Variants in LRP5 observed in about 807,000 individuals in gnomAD.
LRP5 encodes the protein low-density lipoprotein receptor-related protein 5.
LRP5 carries 62 observed loss-of-function variants against 154.1 expected under a neutral mutation model. That is an observed-to-expected ratio of 0.40 (90% CI 0.33 to 0.50). The LOEUF is 0.50. LRP5 is among the 20% of genes least tolerant of loss of function. LRP5 has a pLI of 0.55. For synonymous variants in LRP5, 966 were observed against 1,011.5 expected, an observed-to-expected ratio of 0.96 and a Z score of 0.85; for missense variants, 1,915 against 2,336.7, an observed-to-expected ratio of 0.82 and a Z score of 3.72.
At chr11:68,388,916 A>G (rs1402345749) in intron 6 of LRP5, among the ~76,000 whole-genome samples, 1 of 152,170 alleles carries the variant, frequency 6.6e-6, no homozygotes, top group African/African-American at 2.4e-5. Context: ...ACTTACTGAC[A>G]CCAGCATCTA....
intron 8 of LRP5, chr11:68,404,105 C>T (rs1376218836): frequency 2.3e-6 from 1 of 429,496 alleles, no homozygotes; most frequent in Admixed American, 3.4e-5. Flanking sequence ...CTGGGCTGGG[C>T]TGTGCTTGTT....
chr11:68,378,500 C>T (rs1273470817), intron 5 of LRP5, among the ~76,000 whole-genome samples: 1 of 70,846 alleles, frequency 1.4e-5, no homozygotes, highest in Non-Finnish European at 2.8e-5. Context: ...GAAGAGGACC[C>T]TGTCCCCGGC....
At chr11:68,354,524 C>T (rs2098621477) in intron 2 of LRP5, among the ~76,000 whole-genome samples, 1 of 152,238 alleles carries the variant, frequency 6.6e-6, no homozygotes. Flanking sequence ...AGGGTCTGGG[C>T]TCTGTCCAGG....
At position 68,386,235 on chromosome 11, in the gene LRP5, C is replaced by T; in HGVS notation, c.1016-81C>T. The stretch of plus-strand genomic sequence containing the variant: ...CCCTGGGGGCCTGGCTGAGTATTTC[C>T]CTTGCCCGGCCCACCCCAGGCCTAG... On this transcript the variant is annotated intron_variant, in intron 5 of 22. Transcript: ENST00000294304. This position sits in a 1 kb window ranked among gnomAD's most constrained non-coding sequence, Gnocchi z 7.9. 1.9e-6 allele frequency: 3 copies of T among 1,571,158 alleles called. No homozygotes were observed. The highest frequency in any genetic ancestry group is 2.6e-6 in the Non-Finnish European group (3 of 1,154,504).
chr11:68,357,823 G>C lies in LRP5; in HGVS notation c.662G>C (p.Arg221Pro). Residue 221 changes from arginine (R) to proline (P), a missense_variant, in exon 3 of 23, where the codon CGT becomes CCT. Coordinates refer to ENST00000294304, the MANE Select transcript of LRP5 (RefSeq NM_002335.4). The part of the protein sequence containing the change: ...WADAKLSFIH[R>P]ANLDGSFRQK... ...GACGCCAAGCTCAGCTTCATCCACC[G>C]TGCCAACCTGGACGGCTCGTTCCGG... The C allele has an allele frequency of 1.9e-6, 3 of 1,613,290 alleles. No homozygotes were observed. The highest frequency in any genetic ancestry group is 2.5e-6 in the Non-Finnish European group (3 of 1,179,678).
chr11:68,373,313 C>T (rs137892316), intron 5 of LRP5, among the ~76,000 whole-genome samples: 2,516 of 152,202 alleles, frequency 0.017, 230 homozygotes, highest in Admixed American at 0.15. Context: ...GTGGTCACAC[C>T]GGGACCCCAA....
At chr11:68,311,270 T>C (rs1373706473), upstream of LRP5, among the ~76,000 whole-genome samples, 1 of 152,208 alleles carries the variant, frequency 6.6e-6, no homozygotes, top group African/African-American at 2.4e-5. Flanking sequence ...GTCTGACATG[T>C]GCTGGCCCTG....
chr11:68,319,875 A>G (rs1285258127), intron 1 of LRP5, among the ~76,000 whole-genome samples: 3 of 152,108 alleles, frequency 2.0e-5, no homozygotes, highest in South Asian at 4.1e-4. Context: ...AAAGATATTG[A>G]GGCCGGGCAC....
Position 68,433,848 on chromosome 11 carries a change from TC to T in LRP5, c.4000+14del, listed in dbSNP as rs754512136. On this transcript the variant is annotated intron_variant, in intron 18 of 22. Transcript: ENST00000294304. ...GAGGCGGACTGTGACGGTGAGGCCC[TC>T]CCCGTCAAGGCTCTGCCAAGACCCT... 3.1e-6 allele frequency: 5 copies of T among 1,609,372 alleles called. No homozygotes were observed. In the Admixed American group the frequency reaches 6.7e-5, roughly 22 times the overall value.
At chr11:68,301,352 T>C in the LRP5 span, among the ~76,000 whole-genome samples, 4 of 148,784 alleles carry the variant, frequency 2.7e-5, no homozygotes, top group Non-Finnish European at 4.5e-5. Flanking sequence ...CTCACGCCTG[T>C]GGTCCCAGCT....
chr11:68,389,408 C>G (rs2098644997), intron 6 of LRP5, among the ~76,000 whole-genome samples: 1 of 152,082 alleles, frequency 6.6e-6, no homozygotes. Flanking sequence ...CAGCATCTAC[C>G]AACACCGACA....
At position 68,396,876 on chromosome 11, in the gene LRP5, G is replaced by A. The variant is rs544823367; in HGVS notation, c.1585-6607G>A. On this transcript the variant is annotated intron_variant, in intron 7 of 22. Coordinates refer to ENST00000294304, the MANE Select transcript of LRP5 (RefSeq NM_002335.4). ...CTACAGGTTGCTTGGAGCCGCATCC[G>A]AGTCCTGCCCCACCACGTGTGAAGC... Among the ~76,000 whole-genome samples the A allele has an allele frequency of 2.0e-4, 30 of 152,272 alleles. No individual in the cohort carries two copies. In the East Asian group the frequency reaches 3.5e-3, roughly 18 times the overall value.
Position 68,433,758 on chromosome 11 carries a change from G to T in LRP5, c.3920G>T (p.Arg1307Leu). ...TCCGCCGCCCAGTTCCCCTGCGCGC[G>T]GGGTCAGTGTGTGGACCTGCGCCTG... ...VCSAAQFPCA[R>L]GQCVDLRLRC... The change falls in exon 18 of 23, where the codon CGG becomes CTG. Residue 1307 changes from arginine (R) to leucine (L), a missense_variant. By Grantham distance (102) the Arg-to-Leu change is moderately radical (BLOSUM62 -2). This residue lies in a region of LRP5 where 1,094 missense variants were observed against 1,210.1 expected (regional missense o/e 0.90). Transcript: ENST00000294304. The T allele has an allele frequency of 6.2e-7, 1 of 1,612,686 alleles. No individual in the cohort carries two copies. Among genetic ancestry groups the T allele is most frequent in the Non-Finnish European group, 8.5e-7 (1 of 1,179,832 alleles).
chr11:68,376,242 C>T (rs1322174810), intron 5 of LRP5, among the ~76,000 whole-genome samples: 2 of 146,920 alleles, frequency 1.4e-5, no homozygotes, highest in East Asian at 2.0e-4. Flanking sequence ...AGTGCAATGG[C>T]GCGATCTCCG....
At chr11:68,438,149 G>A (rs1340879998) in intron 19 of LRP5, among the ~76,000 whole-genome samples, 10 of 152,210 alleles carry the variant, frequency 6.6e-5, no homozygotes. Context: ...CACCACCGAG[G>A]GCCCTGGGCG....
chr11:68,391,575 C>T (rs943694368), intron 7 of LRP5, among the ~76,000 whole-genome samples: 14 of 152,170 alleles, frequency 9.2e-5, no homozygotes, highest in Non-Finnish European at 1.6e-4. Flanking sequence ...TGCTTCTGAG[C>T]GGGAGGAGTC....
intron 8 of LRP5, among the ~76,000 whole-genome samples, chr11:68,404,833 G>A (rs1343294439): frequency 3.3e-5 from 5 of 151,900 alleles, no homozygotes; most frequent in South Asian, 4.2e-4. Flanking sequence ...AGCCGGGTGC[G>A]GTGGCAGGCG....
chr11:68,373,752 G>A (rs1489966830), intron 5 of LRP5, among the ~76,000 whole-genome samples: 7 of 152,218 alleles, frequency 4.6e-5, no homozygotes, highest in Admixed American at 4.6e-4. Context: ...GCTAAAAACA[G>A]CAGGAGTGAG....
rs533774111 is a variant in LRP5, at chr11:68,321,909, C to A, written c.91+9104C>A. Among the ~76,000 whole-genome samples the A allele has an allele frequency of 3.3e-3, 497 of 152,290 alleles. 2 individuals carry two copies. Among genetic ancestry groups the A allele is most frequent in the African/African-American group, 0.011 (464 of 41,566 alleles). Reference sequence around the variant, plus strand: ...AGCGTGTGGCCTGGGCTGGAACACACCAGCCTGGGTGCTGGGTGTCTTCCA... The same window carrying A: ...AGCGTGTGGCCTGGGCTGGAACACAACAGCCTGGGTGCTGGGTGTCTTCCA... On this transcript the variant is annotated intron_variant, in intron 1 of 22. Coordinates refer to ENST00000294304, the MANE Select transcript of LRP5 (RefSeq NM_002335.4).
Sources: gnomAD v4.1 joint callset for allele counts (sites outside exome capture counted in the v4.1 genomes callset) on GRCh38, gnomAD v4.1.1 for gene constraint, gnomAD v4.1.1 regional missense constraint, Gnocchi (gnomAD v3.1) non-coding constraint, MANE v1.5 for transcripts, NCBI Gene and HGNC (gene_info 2026-07-23, HGNC 2026-07-21) for gene names.